SIMC1: variants seen among roughly 807,000 people sequenced by gnomAD.
SIMC1 encodes the protein SUMO-interacting motif-containing protein 1.
Under a neutral mutation model 82.3 loss-of-function variants are expected in SIMC1, and 55 were observed. The observed-to-expected ratio is 0.67, with a 90% CI of 0.54 to 0.84. SIMC1 has a LOEUF of 0.84. Among genes scored for constraint, SIMC1 ranks in the 40% least tolerant of loss-of-function variants. The pLI, the probability that SIMC1 is intolerant of heterozygous loss-of-function variation, is 0.00. For synonymous variants in SIMC1, 353 were observed against 426.3 expected (o/e 0.83, Z 2.12); for missense variants, 915 against 1,107.2 (o/e 0.83, Z 2.46).
At chr5:176,313,976 CT>C in intron 5 of SIMC1, 131 bp downstream of exon 5, 1 of 1,157,978 alleles carries the variant, frequency 8.6e-7, no homozygotes, top group Non-Finnish European at 1.2e-6. Context: ...ATTTTTAAAA[CT>C]ATAGATAGAC....
At chr5:176,296,392 C>T in intron 4 of SIMC1, 72 bp downstream of exon 4, 1 of 1,610,490 alleles carries the variant, frequency 6.2e-7, no homozygotes, top group Non-Finnish European at 8.5e-7. Context: ...TATCAGGTGC[C>T]ATGGCTCACA....
intron 4 of SIMC1, among the ~76,000 whole-genome samples, chr5:176,307,436 T>G (rs1303522276): frequency 6.6e-6 from 1 of 152,240 alleles, no homozygotes; most frequent in Non-Finnish European, 1.5e-5. Flanking sequence ...AGTCTTGCTC[T>G]GTTGCCCAGG....
At chr5:176,288,673 A>G (rs1454632665) in intron 1 of SIMC1, among the ~76,000 whole-genome samples, 1 of 152,144 alleles carries the variant, frequency 6.6e-6, no homozygotes, top group Non-Finnish European at 1.5e-5. Context: ...CACTTGACCC[A>G]CTCAGAATTC....
At chr5:176,242,297 G>T (rs1761301673) in intron 1 of SIMC1, among the ~76,000 whole-genome samples, 1 of 151,822 alleles carries the variant, frequency 6.6e-6, no homozygotes, top group Non-Finnish European at 1.5e-5. Context: ...TTAAAAATAT[G>T]CAGTTGTGAG....
chr5:176,341,388 A>G (rs1207477525), intron 9 of SIMC1, among the ~76,000 whole-genome samples: 3 of 152,232 alleles, frequency 2.0e-5, no homozygotes, highest in Non-Finnish European at 4.4e-5. Flanking sequence ...GGCCATGCTA[A>G]GGAAATTCAG....
chr5:176,331,519 T>C (rs1262552207), intron 7 of SIMC1, among the ~76,000 whole-genome samples: 1 of 151,276 alleles, frequency 6.6e-6, no homozygotes, highest in African/African-American at 2.4e-5. Flanking sequence ...TTCACCATGT[T>C]GGCCAGGCTG....
intron 2 of SIMC1, among the ~76,000 whole-genome samples, chr5:176,291,526 C>T (rs997957116): frequency 5.9e-5 from 9 of 152,016 alleles, no homozygotes; most frequent in East Asian, 1.9e-4. Flanking sequence ...TTAGTAGAGA[C>T]GGGGTTTCAC....
At chr5:176,247,775 A>G (rs1349753221) in intron 1 of SIMC1, among the ~76,000 whole-genome samples, 1 of 151,456 alleles carries the variant, frequency 6.6e-6, no homozygotes, top group East Asian at 1.9e-4. Flanking sequence ...TCTTCAGTTA[A>G]TTTTTGTATA....
At chr5:176,312,826 T>G (rs955280175) in intron 4 of SIMC1, among the ~76,000 whole-genome samples, 3 of 152,192 alleles carry the variant, frequency 2.0e-5, no homozygotes, top group Non-Finnish European at 4.4e-5. Context: ...TCTGGTTCTT[T>G]AAAGTTTGAA....
chr5:176,246,349 C>T (rs1200457248), intron 1 of SIMC1, among the ~76,000 whole-genome samples: 3 of 151,704 alleles, frequency 2.0e-5, no homozygotes, highest in Non-Finnish European at 4.4e-5. Context: ...ACATTTCCCT[C>T]ATTTGATCAA....
At chr5:176,269,288 A>G (rs1762328914) in intron 1 of SIMC1, among the ~76,000 whole-genome samples, 1 of 152,230 alleles carries the variant, frequency 6.6e-6, no homozygotes, top group Admixed American at 6.5e-5. Flanking sequence ...AGCTAGATTG[A>G]TCAGGGATTT....
In SIMC1 at chr5:176,284,646, C is replaced by G. The variant is rs184284532; in HGVS notation, c.130-5008C>G. Among the ~76,000 whole-genome samples, 856 of 152,252 alleles carry G rather than the reference C, an allele frequency of 5.6e-3. 8 individuals carry two copies. Among genetic ancestry groups the G allele is most frequent in the Non-Finnish European group, 7.2e-3 (489 of 68,028 alleles). Reference sequence around the variant, plus strand: ...AAGCAAGAGCAACCACATTCAAAAGCTAGCCAGCGGAAGGCAAGAAATAAC... The same window carrying G: ...AAGCAAGAGCAACCACATTCAAAAGGTAGCCAGCGGAAGGCAAGAAATAAC... On this transcript the variant is annotated intron_variant, in intron 1 of 9. Transcript: ENST00000429602.
chr5:176,293,207 G>T (rs1763657098), intron 2 of SIMC1, among the ~76,000 whole-genome samples: 1 of 152,144 alleles, frequency 6.6e-6, no homozygotes, highest in Non-Finnish European at 1.5e-5. Context: ...GGAGGCCGTG[G>T]TCGGTGGATT....
At chr5:176,302,356 A>G (rs187263823) in intron 4 of SIMC1, among the ~76,000 whole-genome samples, 1 of 152,336 alleles carries the variant, frequency 6.6e-6, no homozygotes, top group Non-Finnish European at 1.5e-5. Context: ...ACATTTGACA[A>G]AATTCAACAC....
intron 5 of SIMC1, among the ~76,000 whole-genome samples, chr5:176,315,465 C>G (rs1764857976): frequency 6.6e-6 from 1 of 152,154 alleles, no homozygotes; most frequent in Admixed American, 6.5e-5. Context: ...GGTCAAATAT[C>G]AAAGCTGTAT....
intron 1 of SIMC1, among the ~76,000 whole-genome samples, chr5:176,283,303 C>T (rs1409888679): frequency 6.6e-6 from 1 of 152,136 alleles, no homozygotes; most frequent in Non-Finnish European, 1.5e-5. Context: ...AAAGGGAAGC[C>T]CATCAGACTA....
chr5:176,343,644 G>A (rs1469384505), intron 9 of SIMC1, among the ~76,000 whole-genome samples: 1 of 152,068 alleles, frequency 6.6e-6, no homozygotes. Context: ...CATTTTTTCT[G>A]AAACAGTTGA....
At chr5:176,323,772 G>C (rs957105410) in intron 6 of SIMC1, among the ~76,000 whole-genome samples, 1 of 152,014 alleles carries the variant, frequency 6.6e-6, no homozygotes, top group Non-Finnish European at 1.5e-5. Flanking sequence ...GGATCATGAG[G>C]TCAGGAGATG....
intron 9 of SIMC1, among the ~76,000 whole-genome samples, chr5:176,342,746 C>G (rs1766205015): frequency 6.6e-6 from 1 of 152,200 alleles, no homozygotes; most frequent in South Asian, 2.1e-4. Flanking sequence ...CCCTCCGTGG[C>G]TAGAGTGGGC....
Sources: gnomAD v4.1 joint callset for allele counts (sites outside exome capture counted in the v4.1 genomes callset) on GRCh38, gnomAD v4.1.1 for gene constraint, MANE v1.5 for transcripts, NCBI Gene and HGNC (gene_info 2026-07-23, HGNC 2026-07-21) for gene names.